CTNNA2: variants seen among roughly 807,000 people sequenced by gnomAD.
The protein encoded by CTNNA2 is catenin alpha-2.
In CTNNA2, 42 loss-of-function variants were observed where a neutral mutation model predicts 101.0. That is an observed-to-expected ratio of 0.42 (90% CI 0.32 to 0.54). CTNNA2 has a LOEUF of 0.54. CTNNA2 is among the 20% of genes least tolerant of loss of function. The pLI is 0.14. For missense variants in CTNNA2, 871 were observed against 1,223.1 expected, an observed-to-expected ratio of 0.71 and a Z score of 4.29; for synonymous variants, 450 against 456.4, an observed-to-expected ratio of 0.99 and a Z score of 0.18.
rs540133058 is a variant in CTNNA2 at position 80,527,807 on chromosome 2, T to C, written c.1291-17175T>C. Among the ~76,000 whole-genome samples, 75 of 152,296 alleles carry C rather than the reference T, an allele frequency of 4.9e-4. 1 individual carries two copies. Among genetic ancestry groups the C allele is most frequent in the African/African-American group, 1.7e-3 (72 of 41,560 alleles). On this transcript the variant is annotated intron_variant, in intron 9 of 18. Coordinates refer to ENST00000402739, the MANE Select transcript of CTNNA2 (RefSeq NM_001282597.3). The stretch of plus-strand genomic sequence containing the variant: ...GGAAATACTCTAACTGAATTTAAAG[T>C]AAATTTAAATGAAATTTCAAATAGG...
rs529719349 is a variant in CTNNA2 at position 80,647,827 on chromosome 2, G to T, written c.2817G>T (p.Ser939=). 5 of 1,613,332 alleles carry T rather than the reference G, an allele frequency of 3.1e-6. No individual in the cohort carries two copies. The highest frequency in any genetic ancestry group is 4.2e-6 in the Non-Finnish European group (5 of 1,179,458). Reference sequence around the variant, plus strand: ...GAGGTTCTCAGAAGAAACACATTTCGCCTGTACAGGCTTTAAGTGAATTCA... The same window carrying T: ...GAGGTTCTCAGAAGAAACACATTTCTCCTGTACAGGCTTTAAGTGAATTCA... The part of the protein sequence containing the change: ...VRRGSQKKHI[S]PVQALSEFKA... Residue 939 remains serine, a synonymous_variant, in exon 19 of 19, where the codon TCG becomes TCT. Coordinates refer to ENST00000402739, the MANE Select transcript of CTNNA2 (RefSeq NM_001282597.3).
At chr2:79,718,949 G>A (rs1417265400) in intron 2 of CTNNA2, among the ~76,000 whole-genome samples, 1 of 151,912 alleles carries the variant, frequency 6.6e-6, no homozygotes, top group Non-Finnish European at 1.5e-5. Flanking sequence ...GATACAGGGG[G>A]TACATGTACA....
At chr2:79,898,691 T>A (rs997211126) in intron 6 of CTNNA2, among the ~76,000 whole-genome samples, 3 of 152,166 alleles carry the variant, frequency 2.0e-5, no homozygotes, top group African/African-American at 7.2e-5. Context: ...TTCCTCCTTA[T>A]AAGTGAGAGT....
chr2:80,181,183 A>G lies in CTNNA2; in HGVS notation c.1057-212028A>G, dbSNP rs191834301. ...AGCAAACAGGTTTGGGGTGGGTCCT[A>G]AGGAGAATCAGCATTGTCTTGCCTA... On this transcript the variant is annotated intron_variant, in intron 7 of 18. Coordinates refer to ENST00000402739, the MANE Select transcript of CTNNA2 (RefSeq NM_001282597.3). Among the ~76,000 whole-genome samples, 43 of 152,244 alleles carry G rather than the reference A, an allele frequency of 2.8e-4. No homozygotes were observed. The East Asian group carries it at 7.4e-3, about 26-fold the overall frequency.
intron 9 of CTNNA2, among the ~76,000 whole-genome samples, chr2:80,523,912 G>A (rs2149579963): frequency 6.6e-6 from 1 of 152,276 alleles, no homozygotes; most frequent in East Asian, 1.9e-4. Context: ...GGTTGAGGAA[G>A]GCTTCCTAGA....
chr2:79,260,924 C>A (rs929713616), intron 2 of CTNNA2, among the ~76,000 whole-genome samples: 3 of 152,112 alleles, frequency 2.0e-5, no homozygotes, highest in Non-Finnish European at 4.4e-5. Flanking sequence ...TCATCCTCCC[C>A]CGCAATTCCT....
At chr2:80,201,664 C>A in intron 7 of CTNNA2, among the ~76,000 whole-genome samples, 1 of 152,064 alleles carries the variant, frequency 6.6e-6, no homozygotes, top group African/African-American at 2.4e-5. Context: ...CGTGAGCCAC[C>A]GTGCCCGGCC....
At chr2:80,184,103 C>A (rs1466718862) in intron 7 of CTNNA2, among the ~76,000 whole-genome samples, 8 of 151,838 alleles carry the variant, frequency 5.3e-5, no homozygotes, top group African/African-American at 1.9e-4. Context: ...AACATGTTAT[C>A]TTTTAAAAGT....
chr2:80,064,310 A>T (rs1375524861), intron 7 of CTNNA2, among the ~76,000 whole-genome samples: 2 of 152,210 alleles, frequency 1.3e-5, no homozygotes, highest in African/African-American at 4.8e-5. Context: ...TCTGAGGAGT[A>T]TCTCGGGAAT....
intron 2 of CTNNA2, among the ~76,000 whole-genome samples, chr2:79,229,202 CT>C (rs1325024110): frequency 1.3e-5 from 2 of 152,074 alleles, no homozygotes; most frequent in African/African-American, 4.8e-5. Flanking sequence ...ATGCCTCTGG[CT>C]TTTTACTTTT....
intron 7 of CTNNA2, among the ~76,000 whole-genome samples, chr2:80,081,122 G>C (rs927163350): frequency 1.3e-5 from 2 of 149,972 alleles, no homozygotes; most frequent in African/African-American, 4.9e-5. Flanking sequence ...AAGCGTGGTC[G>C]GGTGAGGAGC....
intron 7 of CTNNA2, among the ~76,000 whole-genome samples, chr2:80,075,300 A>G (rs1407779491): frequency 6.6e-6 from 1 of 152,012 alleles, no homozygotes; most frequent in Non-Finnish European, 1.5e-5. Flanking sequence ...CTATCTCAGC[A>G]CAGAACACAG....
At chr2:80,192,802 C>G (rs571196377) in intron 7 of CTNNA2, among the ~76,000 whole-genome samples, 1 of 152,194 alleles carries the variant, frequency 6.6e-6, no homozygotes, top group South Asian at 2.1e-4. Flanking sequence ...CGCGAGCCAC[C>G]GCACCCGTGC....
chr2:80,600,232 A>G (rs1048518157), intron 15 of CTNNA2, among the ~76,000 whole-genome samples: 1 of 152,094 alleles, frequency 6.6e-6, no homozygotes, highest in Non-Finnish European at 1.5e-5. Flanking sequence ...TTTAATATCT[A>G]AATATAAAAA....
intron 1 of CTNNA2, chr2:79,634,533 T>C (rs1447375016): frequency 6.6e-6 from 1 of 152,194 alleles, no homozygotes; most frequent in African/African-American, 2.4e-5. Context: ...CACTGTTCCA[T>C]CCTCAAGGTT....
At chr2:79,244,424 G>A (rs188231296) in intron 2 of CTNNA2, among the ~76,000 whole-genome samples, 2 of 152,290 alleles carry the variant, frequency 1.3e-5, no homozygotes, top group South Asian at 2.1e-4. Context: ...CTTTTATTGT[G>A]TTTTTGTTTT....
chr2:79,657,859 AT>A (rs1681727072), intron 2 of CTNNA2, among the ~76,000 whole-genome samples: 1 of 151,756 alleles, frequency 6.6e-6, no homozygotes, highest in African/African-American at 2.4e-5. Context: ...ATTTAATAGA[AT>A]TTTGCAGTTA....
intron 9 of CTNNA2, among the ~76,000 whole-genome samples, chr2:80,477,919 A>G (rs540646104): frequency 2.6e-5 from 4 of 152,128 alleles, no homozygotes; most frequent in Non-Finnish European, 5.9e-5. Flanking sequence ...CAGTAGTGGG[A>G]TTGCTGGATT....
chr2:80,320,153 G>A (rs1678536447), intron 7 of CTNNA2, among the ~76,000 whole-genome samples: 1 of 152,154 alleles, frequency 6.6e-6, no homozygotes, highest in Admixed American at 6.5e-5. Context: ...AGGATTAATA[G>A]TCTTGCCTCA....
Sources: gnomAD v4.1 joint callset for allele counts (sites outside exome capture counted in the v4.1 genomes callset) on GRCh38, gnomAD v4.1.1 for gene constraint, MANE v1.5 for transcripts, NCBI Gene and HGNC (gene_info 2026-07-23, HGNC 2026-07-21) for gene names.